TYW1B: variants seen among roughly 807,000 people sequenced by gnomAD.
TYW1B encodes tRNA-yW synthesizing protein 1 homolog B.
TYW1B carries 73 observed loss-of-function variants against 86.9 expected under a neutral mutation model. The observed-to-expected ratio is 0.84, with a 90% confidence interval of 0.70 to 1.02. The LOEUF is 1.02. Ranked by LOEUF, TYW1B falls within the 50% of genes least tolerant of loss-of-function variation. The pLI, the probability that TYW1B is intolerant of heterozygous loss-of-function variation, is 0.00. For missense variants in TYW1B, 637 were observed against 827.4 expected, an observed-to-expected ratio of 0.77 and a Z score of 2.82; for synonymous variants, 248 against 292.8, an observed-to-expected ratio of 0.85 and a Z score of 1.56.
chr7:72,676,872 C>T (rs1257025868), intron 11 of TYW1B, among the ~76,000 whole-genome samples: 3 of 151,962 alleles, frequency 2.0e-5, no homozygotes, highest in East Asian at 3.9e-4. Flanking sequence ...GTGGGAGGAT[C>T]GCTTGAACCC....
chr7:72,647,299 T>C (rs1812951552), intron 11 of TYW1B, among the ~76,000 whole-genome samples: 1 of 152,188 alleles, frequency 6.6e-6, no homozygotes, highest in Non-Finnish European at 1.5e-5. Flanking sequence ...GGCAAGATGA[T>C]TAAAGAATCT....
At chr7:72,632,399 T>TATATATACATATATATAA (rs1812541714) in intron 11 of TYW1B, among the ~76,000 whole-genome samples, 2 of 94,484 alleles carry the variant, frequency 2.1e-5, no homozygotes, top group African/African-American at 1.5e-4. Flanking sequence ...TATATATATA[T>TATATATACATATATATAA]AATATATATA....
At chr7:72,576,106 T>A (rs1326983198) in intron 13 of TYW1B, among the ~76,000 whole-genome samples, 2 of 147,618 alleles carry the variant, frequency 1.4e-5, no homozygotes, top group Non-Finnish European at 3.0e-5. Flanking sequence ...GTTAACAGCA[T>A]CTCGTGGAAT....
At chr7:72,632,285 G>GTATATATATTATATATAT (rs1554439905) in intron 11 of TYW1B, among the ~76,000 whole-genome samples, 1 of 83,568 alleles carries the variant, frequency 1.2e-5, no homozygotes, top group Non-Finnish European at 2.1e-5. Flanking sequence ...ATATATACGT[G>GTATATATATTATATATAT]TATATATATA....
At chr7:72,689,312 T>C (rs1176905794) in intron 11 of TYW1B, among the ~76,000 whole-genome samples, 4 of 152,220 alleles carry the variant, frequency 2.6e-5, no homozygotes, top group Admixed American at 6.5e-5. Context: ...GGCCATGCCA[T>C]GATTTAATGT....
chr7:72,816,537 T>C (rs1390230809), intron 2 of TYW1B, among the ~76,000 whole-genome samples: 5 of 152,090 alleles, frequency 3.3e-5, no homozygotes, highest in Non-Finnish European at 7.4e-5. Flanking sequence ...CAACAAAAGA[T>C]GGAATGAATA....
intron 12 of TYW1B, among the ~76,000 whole-genome samples, chr7:72,617,720 T>C (rs1320443531): frequency 2.6e-5 from 4 of 152,210 alleles, no homozygotes; most frequent in Non-Finnish European, 4.4e-5. Flanking sequence ...TGTGGTTACA[T>C]AAACAATCAT....
intron 11 of TYW1B, among the ~76,000 whole-genome samples, chr7:72,644,414 G>A (rs1178361392): frequency 1.3e-5 from 2 of 152,076 alleles, no homozygotes; most frequent in Non-Finnish European, 2.9e-5. Context: ...TGGGCGTGGT[G>A]GTGGGTACCT....
chr7:72,597,586 C>G (rs1384852227), intron 13 of TYW1B, among the ~76,000 whole-genome samples: 1 of 151,650 alleles, frequency 6.6e-6, no homozygotes, highest in South Asian at 2.1e-4. Context: ...CCTGAACGCA[C>G]CCGATCTCGG....
intron 11 of TYW1B, among the ~76,000 whole-genome samples, chr7:72,677,262 C>T (rs1222627723): frequency 2.0e-5 from 3 of 152,034 alleles, no homozygotes; most frequent in African/African-American, 7.2e-5. Context: ...GATCCTCCAC[C>T]TCAGCCTCCT....
chr7:72,667,563 A>G (rs1468935385), intron 11 of TYW1B, among the ~76,000 whole-genome samples: 1 of 152,088 alleles, frequency 6.6e-6, no homozygotes, highest in Non-Finnish European at 1.5e-5. Flanking sequence ...AAAATACAAA[A>G]ATTAGCCAGG....
At chr7:72,604,387 G>A (rs375601984) in intron 13 of TYW1B, among the ~76,000 whole-genome samples, 7 of 152,072 alleles carry the variant, frequency 4.6e-5, no homozygotes, top group Admixed American at 2.6e-4. Context: ...GCTTGAACCC[G>A]GGAGATGGAG....
chr7:72,656,922 A>G (rs1169663850), intron 11 of TYW1B, among the ~76,000 whole-genome samples: 1 of 152,198 alleles, frequency 6.6e-6, no homozygotes, highest in Non-Finnish European at 1.5e-5. Context: ...TCCATGACCT[A>G]AACACCTTCC....
intron 6 of TYW1B, among the ~76,000 whole-genome samples, chr7:72,781,170 C>T (rs1441089621): frequency 2.6e-5 from 4 of 152,122 alleles, no homozygotes; most frequent in East Asian, 1.9e-4. Context: ...TCAGGTAACT[C>T]GAGCACAGAT....
intron 13 of TYW1B, among the ~76,000 whole-genome samples, chr7:72,594,040 T>G (rs1337347143): frequency 2.0e-5 from 3 of 151,790 alleles, no homozygotes; most frequent in Non-Finnish European, 4.4e-5. Flanking sequence ...TAAAAACTTA[T>G]AGCTATAAAC....
intron 9 of TYW1B, among the ~76,000 whole-genome samples, chr7:72,723,618 T>A (rs1554458077): frequency 1.3e-5 from 2 of 152,084 alleles, no homozygotes; most frequent in African/African-American, 4.8e-5. Flanking sequence ...AAATGTTTTT[T>A]AAAATATTAG....
chr7:72,682,552 T>C (rs1554448616), intron 11 of TYW1B, among the ~76,000 whole-genome samples: 1 of 152,200 alleles, frequency 6.6e-6, no homozygotes, highest in South Asian at 2.1e-4. Context: ...CCTTATACTA[T>C]CAGATTTTAC....
intron 11 of TYW1B, among the ~76,000 whole-genome samples, chr7:72,653,658 T>C (rs1320721601): frequency 6.6e-6 from 1 of 151,982 alleles, no homozygotes; most frequent in Non-Finnish European, 1.5e-5. Context: ...TTATTCCAGG[T>C]ATGCAAGGCT....
chr7:72,786,145 AAAAAG>A (rs1788126207), intron 6 of TYW1B, among the ~76,000 whole-genome samples: 1 of 152,176 alleles, frequency 6.6e-6, no homozygotes, highest in Non-Finnish European at 1.5e-5. Flanking sequence ...CCAGAAAAAG[AAAAAG>A]AAAAGCCAAA....
Sources: gnomAD v4.1 joint callset for allele counts (sites outside exome capture counted in the v4.1 genomes callset) on GRCh38, gnomAD v4.1.1 for gene constraint, MANE v1.5 for transcripts, NCBI Gene and HGNC (gene_info 2026-07-23, HGNC 2026-07-21) for gene names.